BBS9: variants seen among roughly 807,000 people sequenced by gnomAD.
BBS9 encodes the protein protein PTHB1.
A neutral mutation model predicts 117.7 loss-of-function variants in BBS9; 89 were observed. The ratio of observed to expected loss-of-function variants is 0.76; its 90% CI spans 0.64 to 0.90. BBS9 has a LOEUF of 0.90. Ranked by LOEUF, BBS9 falls within the 40% of genes least tolerant of loss-of-function variation. BBS9 has a pLI of 0.00. For synonymous variants in BBS9, 379 were observed against 370.9 expected, an observed-to-expected ratio of 1.02 and a Z score of -0.25; for missense variants, 982 against 1,042.2, an observed-to-expected ratio of 0.94 and a Z score of 0.80.
chr7:33,131,903 A>G (rs1005115534), intron 1 of BBS9, among the ~76,000 whole-genome samples: 11 of 152,268 alleles, frequency 7.2e-5, no homozygotes, highest in African/African-American at 2.2e-4. Context: ...AACTTGTTGT[A>G]GAAAAAAAAG....
intron 5 of BBS9, among the ~76,000 whole-genome samples, chr7:33,210,934 CT>C (rs1286316768): frequency 6.6e-6 from 1 of 152,142 alleles, no homozygotes; most frequent in African/African-American, 2.4e-5. Context: ...CCTTCTTTGT[CT>C]CTTATTACAG....
chr7:33,220,274 A>G (rs1323745757), intron 5 of BBS9, among the ~76,000 whole-genome samples: 2 of 152,166 alleles, frequency 1.3e-5, no homozygotes, highest in Non-Finnish European at 2.9e-5. Context: ...GAAGAGTTTG[A>G]AGGTTAAATA....
chr7:33,255,347 CTTT>C (rs34214619), intron 5 of BBS9, among the ~76,000 whole-genome samples: 3 of 134,024 alleles, frequency 2.2e-5, no homozygotes, highest in Admixed American at 7.6e-5. Context: ...AGATAAGGAT[CTTT>C]TTTTTTTTTT....
At chr7:33,196,947 T>C (rs1785049390) in intron 5 of BBS9, among the ~76,000 whole-genome samples, 1 of 152,162 alleles carries the variant, frequency 6.6e-6, no homozygotes, top group African/African-American at 2.4e-5. Flanking sequence ...AGTCTGCAGA[T>C]TGGTTTTTTA....
At chr7:33,352,790 A>G in intron 14 of BBS9, 69 bp from the exon 15 acceptor site, 4 of 1,543,322 alleles carry the variant, frequency 2.6e-6, no homozygotes, top group Non-Finnish European at 2.7e-6. Flanking sequence ...TTTGTGTTGT[A>G]ACTTTACCAC....
intron 19 of BBS9, among the ~76,000 whole-genome samples, chr7:33,457,175 A>T (rs1393815715): frequency 6.6e-6 from 1 of 152,194 alleles, no homozygotes; most frequent in Non-Finnish European, 1.5e-5. Flanking sequence ...ACCGAGGGTC[A>T]TCTTTCTGGA....
chr7:33,534,181 G>C lies in BBS9; in HGVS notation c.2521+5G>C. 1 of 1,613,262 alleles carries C rather than the reference G, an allele frequency of 6.2e-7. No homozygotes were observed. The highest frequency in any genetic ancestry group is 8.5e-7 in the Non-Finnish European group (1 of 1,179,306). ...CACAGACCATGGTCATGCCAGGTAA[G>C]AGCTCTGTCCATGCTCCCTAATCAC... On this transcript the variant is annotated splice_donor_5th_base_variant and intron_variant, in intron 21 of 22. Coordinates refer to ENST00000242067, the MANE Select transcript of BBS9 (RefSeq NM_198428.3).
At chr7:33,504,263 C>T (rs891495363) in intron 19 of BBS9, among the ~76,000 whole-genome samples, 2 of 152,110 alleles carry the variant, frequency 1.3e-5, no homozygotes, top group Non-Finnish European at 2.9e-5. Context: ...AAGCCCTCAG[C>T]GAAGTGGCAA....
At chr7:33,511,764 A>G (rs116251201) in intron 20 of BBS9, among the ~76,000 whole-genome samples, 2,427 of 152,328 alleles carry the variant, frequency 0.016, 33 homozygotes, top group Middle Eastern at 0.099. Context: ...TTCATGTGAG[A>G]AAACAGATGT....
chr7:33,168,507 T>A (rs922607988), intron 4 of BBS9, among the ~76,000 whole-genome samples: 4 of 152,206 alleles, frequency 2.6e-5, no homozygotes, highest in South Asian at 2.1e-4. Flanking sequence ...TAATAAATGC[T>A]ACACAAATTT....
intron 9 of BBS9, among the ~76,000 whole-genome samples, chr7:33,331,673 A>C (rs1269715621): frequency 6.6e-6 from 1 of 150,994 alleles, no homozygotes; most frequent in African/African-American, 2.4e-5. Flanking sequence ...AAAAAAAAAA[A>C]AAACCACACA....
intron 9 of BBS9, among the ~76,000 whole-genome samples, chr7:33,294,335 A>ATCTG (rs1562950894): frequency 1.5e-5 from 2 of 129,198 alleles, no homozygotes; most frequent in African/African-American, 6.1e-5. Flanking sequence ...CTATCTATCT[A>ATCTG]TCTATCTATC....
chr7:33,604,916 A>C lies in BBS9; in HGVS notation c.2573A>C (p.Gln858Pro), dbSNP rs1377660851. ...ESDLEERSVE[Q>P]DSTELFTNHR... is the part of the protein sequence containing the mutation. ...GACCTAGAAGAAAGATCAGTAGAAC[A>C]AGACTCTACAGAACTGTTTACCAAC... The change falls in exon 22 of 23, where the codon CAA (glutamine) becomes CCA (proline). Residue 858 changes from glutamine to proline, a missense_variant. Physicochemically the swap from Gln to Pro is moderately conservative, Grantham distance 76. Transcript: ENST00000242067. The C allele has an allele frequency of 6.2e-7, 1 of 1,613,870 alleles. No homozygotes were observed. The highest frequency in any genetic ancestry group is 1.7e-5 in the Admixed American group (1 of 60,004).
chr7:33,527,617 G>A (rs1329583064), intron 20 of BBS9, among the ~76,000 whole-genome samples: 1 of 152,184 alleles, frequency 6.6e-6, no homozygotes, highest in African/African-American at 2.4e-5. Context: ...CGCGCACGGT[G>A]CGCACACCCA....
At position 33,252,815 on chromosome 7, in the gene BBS9, AT is replaced by A. The variant is rs532544318; in HGVS notation, c.443-4420del. On this transcript the variant is annotated intron_variant, in intron 5 of 22. Coordinates refer to ENST00000242067, the MANE Select transcript of BBS9 (RefSeq NM_198428.3). ...AATATTTCATATCTTAATAGAAAAT[AT>A]ATCGACATTTGTATTTACATACAAA... is the stretch of plus-strand genomic sequence containing the variant. 7.5e-4 allele frequency among the ~76,000 whole-genome samples: 114 copies of A among 152,304 alleles called. 2 individuals are homozygous for A. The South Asian group carries it at 0.023, about 31-fold the overall frequency.
At chr7:33,249,457 A>G (rs1173387376) in intron 5 of BBS9, among the ~76,000 whole-genome samples, 2 of 152,114 alleles carry the variant, frequency 1.3e-5, no homozygotes, top group African/African-American at 2.4e-5. Flanking sequence ...TGAAGCTGCC[A>G]TAATGGAACT....
rs573328331 is a variant in BBS9, at chr7:33,384,298, A to G, written c.1962+460A>G. Among the ~76,000 whole-genome samples the G allele has an allele frequency of 2.0e-5, 3 of 152,366 alleles. No homozygotes were observed. In the East Asian group the frequency reaches 5.8e-4, roughly 29 times the overall value. ...CTTAAAATATTCCCCAGTATCTGGC[A>G]CAGTGGGTGCTTACTAAATGCTGAA... On this transcript the variant is annotated intron_variant, in intron 18 of 22. Coordinates refer to ENST00000242067, the MANE Select transcript of BBS9 (RefSeq NM_198428.3).
intron 19 of BBS9, among the ~76,000 whole-genome samples, chr7:33,390,811 T>C (rs1332886799): frequency 6.6e-6 from 1 of 152,200 alleles, no homozygotes; most frequent in Non-Finnish European, 1.5e-5. Flanking sequence ...ACCTCTTTTT[T>C]TGGCACATAG....
At chr7:33,283,719 T>G (rs889126606) in intron 9 of BBS9, among the ~76,000 whole-genome samples, 1 of 152,204 alleles carries the variant, frequency 6.6e-6, no homozygotes, top group Non-Finnish European at 1.5e-5. Context: ...TTCCTTTTTT[T>G]GCAATTTCCA....
Sources: allele counts gnomAD v4.1 joint callset (sites outside exome capture counted in the v4.1 genomes callset), GRCh38; gene constraint gnomAD v4.1.1; transcripts MANE v1.5; gene names NCBI Gene and HGNC (gene_info 2026-07-23, HGNC 2026-07-21).